The following CLPX variants were observed in gnomAD, a reference collection of about 807,000 sequenced individuals.
CLPX encodes the protein ATP-dependent clpX-like chaperone, mitochondrial.
In CLPX, 34 loss-of-function variants were observed where a neutral mutation model predicts 76.4. That is an observed-to-expected ratio of 0.45 (90% CI 0.34 to 0.59). CLPX has a LOEUF of 0.59. Among genes scored for constraint, CLPX ranks in the 20% least tolerant of loss-of-function variants. CLPX has a pLI of 0.01. For synonymous variants in CLPX, 248 were observed against 270.9 expected, an observed-to-expected ratio of 0.92 and a Z score of 0.83; for missense variants, 613 against 757.0, an observed-to-expected ratio of 0.81 and a Z score of 2.23.
chr15:65,165,597 G>C (rs1416462077), intron 4 of CLPX, among the ~76,000 whole-genome samples: 1 of 151,548 alleles, frequency 6.6e-6, no homozygotes, highest in African/African-American at 2.4e-5. Flanking sequence ...ATGTTAGCCA[G>C]GATGGTCTCG....
At position 65,161,801 on chromosome 15, in the gene CLPX, G is replaced by A. The variant is rs570160581; in HGVS notation, c.715+803C>T. On this transcript the variant is annotated intron_variant, in intron 6 of 13. Transcript: ENST00000300107. ...TTACTGTATTTCTTAATTTTACCAC[G>A]CATGGTATAATCAGTATTTCTATAA... is the stretch of plus-strand genomic sequence containing the variant. Among the ~76,000 whole-genome samples, 11 of 151,760 alleles carry A rather than the reference G, an allele frequency of 7.2e-5. No homozygotes were observed. In the East Asian group the frequency reaches 1.7e-3, roughly 24 times the overall value.
Position 65,171,952 on chromosome 15 carries a change from C to T in CLPX, c.359-5167G>A, listed in dbSNP as rs188278595. On this transcript the variant is annotated intron_variant, in intron 3 of 13. Transcript: ENST00000300107. ...GGATTCAATGTTATTTATCAAAATG[C>T]TATTTTGGGAAAAAAAAATACAAGC... 2.2e-3 allele frequency among the ~76,000 whole-genome samples: 337 copies of T among 152,080 alleles called. 3 individuals are homozygous for T. Among genetic ancestry groups the T allele is most frequent in the African/African-American group, 7.9e-3 (327 of 41,486 alleles).
intron 13 of CLPX, among the ~76,000 whole-genome samples, chr15:65,151,456 G>GGA (rs1447923709): frequency 4.0e-5 from 3 of 74,596 alleles, no homozygotes; most frequent in African/African-American, 5.9e-5. Context: ...ATTACTGGGA[G>GGA]AAAAAAAAAA....
intron 1 of CLPX, among the ~76,000 whole-genome samples, chr15:65,183,460 C>CAAAAAAAA (rs61002905): frequency 6.0e-5 from 4 of 66,256 alleles, no homozygotes; most frequent in East Asian, 4.7e-4. Context: ...GACTCTGTCT[C>CAAAAAAAA]AAAAAAAAAA....
Position 65,154,857 on chromosome 15 carries a change from T to C in CLPX, c.1536A>G (p.Lys512=), listed in dbSNP as rs1566978951. ...VVVPLHSLDE[K]TLVQILTEPR... is the part of the protein sequence containing the mutation. The stretch of plus-strand genomic sequence containing the variant: ...GCTCAGTTAATATTTGTACAAGTGT[T>C]TTCTCATCTAGGCTATGCAATGGAA... Residue 512 remains lysine, a synonymous_variant, in exon 11 of 14, where the codon AAA becomes AAG. Transcript: ENST00000300107. The C allele has an allele frequency of 1.2e-6, 2 of 1,614,174 alleles. No homozygotes were observed. The highest frequency in any genetic ancestry group is 1.7e-6 in the Non-Finnish European group (2 of 1,180,000).
At chr15:65,152,750 C>CA (rs2087738997) in intron 12 of CLPX, among the ~76,000 whole-genome samples, 1 of 150,598 alleles carries the variant, frequency 6.6e-6, no homozygotes, top group Admixed American at 6.6e-5. Context: ...CGTAAGCCAC[C>CA]AAATCTGGCC....
In CLPX at chr15:65,157,913, A is replaced by G. The variant is rs1202269137; in HGVS notation, c.893-3T>C. 3.2e-6 allele frequency: 5 copies of G among 1,567,562 alleles called. No individual in the cohort carries two copies. The highest frequency in any genetic ancestry group is 4.3e-6 in the Non-Finnish European group (5 of 1,160,280). On this transcript the variant is annotated splice_polypyrimidine_tract_variant and splice_region_variant and intron_variant, in intron 7 of 13. Transcript: ENST00000300107. ...GGTTTGTGCCAGCAGAGTTTTACCTACAAATAGAAACAGTCACTAAAAGTT... is the reference window on the plus strand; with the variant it reads ...GGTTTGTGCCAGCAGAGTTTTACCTGCAAATAGAAACAGTCACTAAAAGTT...
At chr15:65,152,698 CAT>C (rs34034680) in intron 12 of CLPX, among the ~76,000 whole-genome samples, 162 bp from the exon 13 acceptor site, 29 of 145,754 alleles carry the variant, frequency 2.0e-4, no homozygotes, top group East Asian at 5.9e-4. Flanking sequence ...TATATATAAA[CAT>C]ATATATATAT....
chr15:65,150,586 C>A lies in CLPX; in HGVS notation c.*237G>T. Reference sequence around the variant, plus strand: ...GCATATTTTTTTTAAAAAACTGAACCAAAATAATGTACATTTTATCTCTAA... The same window carrying A: ...GCATATTTTTTTTAAAAAACTGAACAAAAATAATGTACATTTTATCTCTAA... On this transcript the variant is annotated 3_prime_UTR_variant, in exon 14 of 14. Transcript: ENST00000300107. 3.1e-6 allele frequency: 1 copy of A among 321,548 alleles called. No individual in the cohort carries two copies. The highest frequency in any genetic ancestry group is 4.9e-5 in the East Asian group (1 of 20,202). The allele number at this position is 321,548 out of a possible 1,614,324, so 19.9% of individuals were successfully genotyped here.
At chr15:65,160,621 TCTCACACACACACA>T (rs2087843495) in intron 6 of CLPX, among the ~76,000 whole-genome samples, 2 of 128,524 alleles carry the variant, frequency 1.6e-5, no homozygotes, top group South Asian at 2.8e-4. Context: ...TCTCTCTCTC[TCTCACACACACACA>T]CACACACACA....
At chr15:65,173,607 G>A (rs1387455933) in intron 3 of CLPX, among the ~76,000 whole-genome samples, 1 of 152,136 alleles carries the variant, frequency 6.6e-6, no homozygotes, top group Non-Finnish European at 1.5e-5. Flanking sequence ...GATGTTCACG[G>A]GAGCATTATT....
intron 3 of CLPX, among the ~76,000 whole-genome samples, chr15:65,170,026 G>A (rs542634368): frequency 2.5e-4 from 38 of 151,992 alleles, no homozygotes; most frequent in Non-Finnish European, 4.0e-4. Context: ...CTCCCAAAGT[G>A]CTGGGATTAC....
intron 3 of CLPX, among the ~76,000 whole-genome samples, chr15:65,169,757 A>G (rs1242357456): frequency 6.6e-6 from 1 of 150,790 alleles, no homozygotes; most frequent in African/African-American, 2.5e-5. Flanking sequence ...GGATATATTT[A>G]CTTTTTTTTT....
chr15:65,174,571 G>A (rs549391035), intron 3 of CLPX, among the ~76,000 whole-genome samples: 1 of 152,162 alleles, frequency 6.6e-6, no homozygotes, highest in East Asian at 1.9e-4. Context: ...CCACAACTTG[G>A]TAAATATTTT....
At position 65,183,893 on chromosome 15, in the gene CLPX, G is replaced by T. The variant is rs192578890; in HGVS notation, c.79+1182C>A. On this transcript the variant is annotated intron_variant, in intron 1 of 13. Coordinates refer to ENST00000300107, the MANE Select transcript of CLPX (RefSeq NM_006660.5). ...AAATATTAATATATATCAGATAAAT[G>T]GATTAAAATATGTCACTTTAAAGTG... Among the ~76,000 whole-genome samples the T allele has an allele frequency of 7.2e-4, 109 of 152,248 alleles. 1 individual carries two copies. Among genetic ancestry groups the T allele is most frequent in the African/African-American group, 2.6e-3 (107 of 41,538 alleles).
chr15:65,160,852 A>G (rs963334670), intron 6 of CLPX, among the ~76,000 whole-genome samples: 1 of 152,192 alleles, frequency 6.6e-6, no homozygotes, highest in Non-Finnish European at 1.5e-5. Context: ...CGATTCTTTC[A>G]GTTAGTCCCT....
intron 3 of CLPX, among the ~76,000 whole-genome samples, chr15:65,172,383 T>C (rs1187146413): frequency 6.6e-6 from 1 of 152,046 alleles, no homozygotes; most frequent in Non-Finnish European, 1.5e-5. Context: ...TAAAATGTTG[T>C]TGGTTTGGGA....
At chr15:65,173,900 T>C (rs982377857) in intron 3 of CLPX, among the ~76,000 whole-genome samples, 7 of 152,178 alleles carry the variant, frequency 4.6e-5, no homozygotes, top group South Asian at 4.1e-4. Flanking sequence ...CTAAGGGCTA[T>C]GGAGTTTCTT....
chr15:65,151,610 G>A (rs1439005542), intron 13 of CLPX, among the ~76,000 whole-genome samples: 1 of 152,022 alleles, frequency 6.6e-6, no homozygotes, highest in South Asian at 2.1e-4. Flanking sequence ...GATCACATCC[G>A]TCTTGTCTCG....
Sources: gnomAD v4.1 joint callset for allele counts (sites outside exome capture counted in the v4.1 genomes callset) on GRCh38, gnomAD v4.1.1 for gene constraint, MANE v1.5 for transcripts, NCBI Gene and HGNC (gene_info 2026-07-23, HGNC 2026-07-21) for gene names.